IPP: variants seen among roughly 807,000 people sequenced by gnomAD.
The protein encoded by IPP is actin-binding protein IPP.
A neutral mutation model predicts 64.1 loss-of-function variants in IPP; 41 were observed. That is an observed-to-expected ratio of 0.64 (90% confidence interval 0.50 to 0.83). IPP has a LOEUF of 0.83. IPP is among the 40% of genes least tolerant of loss of function. IPP has a pLI of 0.00. For synonymous variants in IPP, 214 were observed against 235.2 expected (o/e 0.91, Z 0.83); for missense variants, 649 against 703.0 (o/e 0.92, Z 0.87).
intron 6 of IPP, among the ~76,000 whole-genome samples, chr1:45,718,883 T>G (rs1043131001): frequency 3.1e-5 from 4 of 127,446 alleles, no homozygotes; most frequent in Admixed American, 1.7e-4. Context: ...AGGGAGGAGG[T>G]GGGCATGGTT....
At chr1:45,746,721 T>C (rs561406475) in intron 1 of IPP, among the ~76,000 whole-genome samples, 6 of 152,132 alleles carry the variant, frequency 3.9e-5, no homozygotes, top group Non-Finnish European at 8.8e-5. Context: ...TATTAAGGTA[T>C]GAGGAGAGGA....
At chr1:45,747,853 A>AC (rs1646160335) in intron 1 of IPP, among the ~76,000 whole-genome samples, 1 of 148,830 alleles carries the variant, frequency 6.7e-6, no homozygotes. Flanking sequence ...AAAAAAAAAA[A>AC]AAAAAAAAAA....
At chr1:45,737,457 CTTTTTTT>C (rs778748035) in intron 3 of IPP, among the ~76,000 whole-genome samples, 2 of 121,252 alleles carry the variant, frequency 1.6e-5, no homozygotes, top group African/African-American at 3.0e-5. Flanking sequence ...ATAAACAATT[CTTTTTTT>C]TTTTTTTTTT....
intron 1 of IPP, among the ~76,000 whole-genome samples, chr1:45,746,892 C>T (rs1005291329): frequency 1.3e-5 from 2 of 152,320 alleles, no homozygotes; most frequent in East Asian, 3.9e-4. Context: ...CTTCCCGTAG[C>T]ACACAAAGCC....
chr1:45,749,413 G>C (rs911745992), intron 1 of IPP, among the ~76,000 whole-genome samples: 16 of 151,972 alleles, frequency 1.1e-4, no homozygotes, highest in Non-Finnish European at 2.1e-4. Flanking sequence ...TTGAAAAGCA[G>C]ATTGTTGACT....
chr1:45,699,990 A>T lies in IPP; in HGVS notation c.1731T>A (p.Cys577Ter), dbSNP rs757799126. 3 of 1,614,168 alleles carry T rather than the reference A, an allele frequency of 1.9e-6. No homozygotes were observed. Among genetic ancestry groups the T allele is most frequent in the Non-Finnish European group, 2.5e-6 (3 of 1,180,012 alleles). Reference protein sequence around the residue: ...TEIGNMITSRCEGGVAVL With the variant: ...TEIGNMITSR ...TTCATAGCACAGCAACGCCCCCTTC[A>T]CAACGACTGGTGATCATGTTACCAA... is the stretch of plus-strand genomic sequence containing the variant. The change falls in exon 9 of 9, where the codon TGT (cysteine) becomes TGA (stop). Residue 577 changes from cysteine (C) to a stop codon, truncating the protein, a stop_gained. Transcript: ENST00000396478. LOFTEE classifies it high-confidence loss of function.
chr1:45,741,796 T>C lies in IPP; in HGVS notation c.293-464A>G, dbSNP rs1646070618. The stretch of plus-strand genomic sequence containing the variant: ...GGCGCCCGCCACTGCGCCCGGCTAA[T>C]TTTTTGTATTTTTAGTAGAGACGGG... On this transcript the variant is annotated intron_variant, in intron 2 of 8. Transcript: ENST00000396478. Among the ~76,000 whole-genome samples, 2 of 126,614 alleles carry C rather than the reference T, an allele frequency of 1.6e-5. 1 individual carries two copies. Among genetic ancestry groups the C allele is most frequent in the African/African-American group, 5.6e-5 (2 of 35,420 alleles). 83.1% of individuals were successfully genotyped at this position (126,614 alleles called of 152,430 possible). A position where few individuals can be genotyped will look rare whatever the true frequency, so the allele number is the denominator to read the frequency against.
chr1:45,740,511 C>A (rs1370200459), intron 3 of IPP, among the ~76,000 whole-genome samples: 1 of 152,120 alleles, frequency 6.6e-6, no homozygotes, highest in Non-Finnish European at 1.5e-5. Context: ...CTGACCCCCC[C>A]ACCTCCCTCC....
rs768638228 is a variant in IPP at position 45,738,850 on chromosome 1, A to AAACAAAACAAAC, written c.724+2050_724+2051insGTTTGTTTTGTT. Among the ~76,000 whole-genome samples, 7 of 139,196 alleles carry AAACAAAACAAAC rather than the reference A, an allele frequency of 5.0e-5. No homozygotes were observed. The South Asian group carries it at 1.4e-3, about 27-fold the overall frequency. The allele number at this position is 139,196 out of a possible 152,430, so 91.3% of individuals were successfully genotyped here. A position where few individuals can be genotyped will look rare whatever the true frequency, so the allele number is the denominator to read the frequency against. On this transcript the variant is annotated intron_variant, in intron 3 of 8. Coordinates refer to ENST00000396478, the MANE Select transcript of IPP (RefSeq NM_005897.3). ...GCAAGACTCCATCTCAAAAAAAAAAAAAAAAAAAAAAAAAACAAGAAAAAA... is the reference window on the plus strand; with the variant it reads ...GCAAGACTCCATCTCAAAAAAAAAAAAACAAAACAAACAAAAAAAAAAAAAAACAAGAAAAAA...
chr1:45,723,102 G>C (rs970468358), intron 5 of IPP, among the ~76,000 whole-genome samples: 1 of 152,134 alleles, frequency 6.6e-6, no homozygotes, highest in Non-Finnish European at 1.5e-5. Context: ...TTCTCTAAAT[G>C]ATGAATTTGG....
At chr1:45,701,332 G>C (rs1473050165) in intron 8 of IPP, among the ~76,000 whole-genome samples, 2 of 151,730 alleles carry the variant, frequency 1.3e-5, no homozygotes. Flanking sequence ...TTGTTGCCCA[G>C]GCTGGAGTGC....
rs556405624 is a variant in IPP, at chr1:45,745,408, T to C, written c.292+712A>G. Reference sequence around the variant, plus strand: ...AAATAGGGGTTTATTTATATCCTGATTTTTAAAATTTTATATATTGTAAAC... The same window carrying C: ...AAATAGGGGTTTATTTATATCCTGACTTTTAAAATTTTATATATTGTAAAC... On this transcript the variant is annotated intron_variant, in intron 2 of 8. Transcript: ENST00000396478. Among the ~76,000 whole-genome samples, 5 of 152,274 alleles carry C rather than the reference T, an allele frequency of 3.3e-5. No individual in the cohort carries two copies. The East Asian group carries it at 7.7e-4, about 23-fold the overall frequency.
chr1:45,706,713 G>A (rs1415367413), intron 8 of IPP, among the ~76,000 whole-genome samples: 1 of 152,168 alleles, frequency 6.6e-6, no homozygotes, highest in Non-Finnish European at 1.5e-5. Context: ...GCCTCCCAAA[G>A]TGCTGGGATT....
At chr1:45,736,249 G>A (rs1016445708) in intron 3 of IPP, among the ~76,000 whole-genome samples, 5 of 151,832 alleles carry the variant, frequency 3.3e-5, no homozygotes, top group African/African-American at 1.2e-4. Context: ...TGACCACCAC[G>A]CCGAGCCTAT....
chr1:45,698,930 C>T lies in IPP; in HGVS notation c.*1036G>A. 2.0e-6 allele frequency: 1 copy of T among 496,928 alleles called. No homozygotes were observed. The highest frequency in any genetic ancestry group is 2.6e-6 in the Non-Finnish European group (1 of 383,998). The allele number at this position is 496,928 out of a possible 1,614,324, so 30.8% of individuals were successfully genotyped here. A position where few individuals can be genotyped will look rare whatever the true frequency, so the allele number is the denominator to read the frequency against. On this transcript the variant is annotated 3_prime_UTR_variant, in exon 9 of 9. Coordinates refer to ENST00000396478, the MANE Select transcript of IPP (RefSeq NM_005897.3). ...AGAGACGGAGTCTCATCACGTTGCCCAGGCTAGTCTCGAACTCCTGAGTTC... is the reference window on the plus strand; with the variant it reads ...AGAGACGGAGTCTCATCACGTTGCCTAGGCTAGTCTCGAACTCCTGAGTTC...
chr1:45,735,575 T>C (rs1645967704), intron 3 of IPP, among the ~76,000 whole-genome samples: 1 of 147,746 alleles, frequency 6.8e-6, no homozygotes, highest in African/African-American at 2.5e-5. Context: ...TTGGCTCAAT[T>C]GATCCTCCTA....
intron 2 of IPP, 25 bp from the exon 3 acceptor site, chr1:45,741,357 G>A (rs1646063304): frequency 2.7e-6 from 4 of 1,481,314 alleles, no homozygotes; most frequent in East Asian, 2.3e-5. Context: ...AGACAAAATG[G>A]CCAATAAAAT....
chr1:45,725,072 T>G (rs1570002686), intron 5 of IPP, among the ~76,000 whole-genome samples: 1 of 83,100 alleles, frequency 1.2e-5, no homozygotes, highest in Non-Finnish European at 2.4e-5. Context: ...GGTGGGGGGG[T>G]CAGCCCCCCG....
Position 45,719,297 on chromosome 1 carries a change from AT to A in IPP, c.1091del (p.Asp364ValfsTer10), listed in dbSNP as rs749239907. 1.9e-6 allele frequency: 3 copies of A among 1,611,252 alleles called. No individual in the cohort carries two copies. Among genetic ancestry groups the A allele is most frequent in the Non-Finnish European group, 8.5e-7 (1 of 1,178,084 alleles). ...SMIFDCTECY[D>X]PVTKQWTTVA... ...CAGTTGTCCACTGTTTAGTAACTGG[AT>A]CATAGCATTCAGTACAATCAAAAAT... is the stretch of plus-strand genomic sequence containing the variant. On this transcript the variant is annotated frameshift_variant, in exon 6 of 9. Coordinates refer to ENST00000396478, the MANE Select transcript of IPP (RefSeq NM_005897.3). LOFTEE classifies it high-confidence loss of function.
Sources: allele counts gnomAD v4.1 joint callset (sites outside exome capture counted in the v4.1 genomes callset), GRCh38; gene constraint gnomAD v4.1.1; transcripts MANE v1.5; gene names NCBI Gene and HGNC (gene_info 2026-07-23, HGNC 2026-07-21).